NAALADL2: variants seen among roughly 807,000 people sequenced by gnomAD.
The protein encoded by NAALADL2 is inactive N-acetylated-alpha-linked acidic dipeptidase-like protein 2.
In NAALADL2, 76 loss-of-function variants were observed where a neutral mutation model predicts 87.2. The observed-to-expected ratio is 0.87, with a 90% CI of 0.72 to 1.05. The LOEUF (loss-of-function observed/expected upper bound fraction) is 1.05. Ranked by LOEUF, NAALADL2 falls within the 50% of genes least tolerant of loss-of-function variation. The pLI is 0.00. For missense variants in NAALADL2, 1,089 were observed against 945.8 expected (o/e 1.15, Z -1.99); for synonymous variants, 354 against 331.0 (o/e 1.07, Z -0.75).
At chr3:175,181,695 A>ATGTGTGTG (rs373684925) in intron 2 of NAALADL2, among the ~76,000 whole-genome samples, 5 of 56,802 alleles carry the variant, frequency 8.8e-5, no homozygotes, top group East Asian at 8.1e-4. Flanking sequence ...ATATATATAT[A>ATGTGTGTG]TATATATATG....
At chr3:175,050,958 T>C (rs1314832435) in intron 1 of NAALADL2, among the ~76,000 whole-genome samples, 1 of 152,210 alleles carries the variant, frequency 6.6e-6, no homozygotes, top group African/African-American at 2.4e-5. Context: ...GCATAAGAGC[T>C]GCACACTTAT....
At chr3:175,375,822 G>A (rs917457571) in intron 5 of NAALADL2, among the ~76,000 whole-genome samples, 2 of 151,692 alleles carry the variant, frequency 1.3e-5, no homozygotes, top group African/African-American at 4.8e-5. Flanking sequence ...TTTGTTCTTT[G>A]TTTTCTTTTC....
At chr3:174,878,487 T>C (rs1728794830) in intron 1 of NAALADL2, among the ~76,000 whole-genome samples, 1 of 152,068 alleles carries the variant, frequency 6.6e-6, no homozygotes, top group Non-Finnish European at 1.5e-5. Flanking sequence ...ACCTACATGT[T>C]TTGGATTTGG....
intron 2 of NAALADL2, among the ~76,000 whole-genome samples, chr3:175,170,626 C>T (rs1734669206): frequency 1.3e-5 from 2 of 150,340 alleles, no homozygotes; most frequent in African/African-American, 2.4e-5. Context: ...AAGTGTATTC[C>T]AAAACAATAC....
chr3:175,406,841 C>T (rs1311574337), intron 5 of NAALADL2, among the ~76,000 whole-genome samples: 5 of 151,554 alleles, frequency 3.3e-5, no homozygotes, highest in Non-Finnish European at 7.4e-5. Context: ...GTTATGGCTT[C>T]CTGGTTCAGT....
intron 12 of NAALADL2, among the ~76,000 whole-genome samples, chr3:175,749,669 C>A (rs1746386651): frequency 6.6e-6 from 1 of 152,306 alleles, no homozygotes; most frequent in Middle Eastern, 3.4e-3. Flanking sequence ...AATGCCATTA[C>A]ACTGACAATT....
At chr3:174,508,203 T>C (rs919069280) in intron 1 of NAALADL2, among the ~76,000 whole-genome samples, 3 of 141,726 alleles carry the variant, frequency 2.1e-5, no homozygotes, top group Non-Finnish European at 4.5e-5. Context: ...AAGCTCCGCC[T>C]CCCGGGTTCA....
chr3:175,708,900 C>T (rs1209784149), intron 11 of NAALADL2, among the ~76,000 whole-genome samples: 1 of 151,614 alleles, frequency 6.6e-6, no homozygotes, highest in Non-Finnish European at 1.5e-5. Flanking sequence ...CTGATATGAA[C>T]AGATATCAAT....
intron 1 of NAALADL2, among the ~76,000 whole-genome samples, 184 bp downstream of exon 1, chr3:174,859,634 G>A (rs1726230382): frequency 6.6e-6 from 1 of 152,116 alleles, no homozygotes. Context: ...TGTTGATTCA[G>A]AGGAAGCATG....
chr3:175,039,897 C>T (rs963769877), intron 1 of NAALADL2, among the ~76,000 whole-genome samples: 1 of 151,946 alleles, frequency 6.6e-6, no homozygotes, highest in Non-Finnish European at 1.5e-5. Flanking sequence ...TTTAGTTTTG[C>T]GGTTGAATAT....
chr3:175,578,888 G>A (rs1719312969), intron 10 of NAALADL2, among the ~76,000 whole-genome samples: 1 of 152,220 alleles, frequency 6.6e-6, no homozygotes, highest in South Asian at 2.1e-4. Flanking sequence ...TTGTCCAAGA[G>A]TGCAGTTAAG....
chr3:174,508,619 T>A (rs573974423), intron 1 of NAALADL2, among the ~76,000 whole-genome samples: 1 of 152,360 alleles, frequency 6.6e-6, no homozygotes, highest in Non-Finnish European at 1.5e-5. Context: ...TCAGTTGTTG[T>A]CTTTTCACTT....
intron 1 of NAALADL2, among the ~76,000 whole-genome samples, chr3:174,515,837 G>A: frequency 6.6e-6 from 1 of 151,898 alleles, no homozygotes; most frequent in South Asian, 2.1e-4. Flanking sequence ...ACAGTGCCTA[G>A]AAAAAGGAAA....
At chr3:174,741,831 ACTAT>A (rs1733795683) in intron 3 of NAALADL2, among the ~76,000 whole-genome samples, 1 of 151,738 alleles carries the variant, frequency 6.6e-6, no homozygotes, top group Non-Finnish European at 1.5e-5. Context: ...GATGCTGAAA[ACTAT>A]CTTTACACAA....
chr3:175,794,464 T>G (rs1753208830), intron 13 of NAALADL2, among the ~76,000 whole-genome samples: 1 of 152,220 alleles, frequency 6.6e-6, no homozygotes, highest in Admixed American at 6.5e-5. Flanking sequence ...CTTCATTTGA[T>G]TTTAGTCTTG....
At chr3:175,078,900 T>A (rs1717185479) in intron 1 of NAALADL2, among the ~76,000 whole-genome samples, 1 of 152,228 alleles carries the variant, frequency 6.6e-6, no homozygotes, top group East Asian at 1.9e-4. Flanking sequence ...CTAAAACATT[T>A]GTGTACAAGT....
At chr3:175,746,698 G>A (rs980847187) in intron 12 of NAALADL2, among the ~76,000 whole-genome samples, 37 of 152,280 alleles carry the variant, frequency 2.4e-4, no homozygotes, top group Non-Finnish European at 1.9e-4. Flanking sequence ...TGACAAGGAC[G>A]TAAACTCTAA....
At chr3:175,397,426 A>C (rs1769949000) in intron 5 of NAALADL2, 1 of 152,038 alleles carries the variant, frequency 6.6e-6, no homozygotes, top group South Asian at 2.1e-4. Context: ...GGTATAACAG[A>C]GGGATTTGCC....
chr3:174,699,853 T>G (rs2108878900), intron 2 of NAALADL2, among the ~76,000 whole-genome samples: 2 of 150,786 alleles, frequency 1.3e-5, no homozygotes, highest in South Asian at 4.2e-4. Context: ...TTTTTTTTTT[T>G]GAGAAGATTG....
Sources: gnomAD v4.1 joint callset for allele counts (sites outside exome capture counted in the v4.1 genomes callset) on GRCh38, gnomAD v4.1.1 for gene constraint, MANE v1.5 for transcripts, NCBI Gene and HGNC (gene_info 2026-07-23, HGNC 2026-07-21) for gene names.